Variants in PCDHA5 observed in about 807,000 individuals in gnomAD.
The protein encoded by PCDHA5 is protocadherin alpha 5.
In PCDHA5, 43 loss-of-function variants were observed where a neutral mutation model predicts 61.6. The observed-to-expected ratio is 0.70, with a 90% CI of 0.55 to 0.90. The LOEUF (loss-of-function observed/expected upper bound fraction) is 0.90. Ranked by LOEUF, PCDHA5 falls within the 40% of genes least tolerant of loss-of-function variation. The probability of loss-of-function intolerance (pLI) is 0.00; values close to 1 mark genes in which losing one functional copy is unlikely to be tolerated. For synonymous variants in PCDHA5, 627 were observed against 543.9 expected, an observed-to-expected ratio of 1.15 and a Z score of -2.13; for missense variants, 1,298 against 1,222.7, an observed-to-expected ratio of 1.06 and a Z score of -0.92.
intron 1 of PCDHA5, among the ~76,000 whole-genome samples, chr5:140,898,820 G>A (rs1303151513): frequency 6.6e-6 from 1 of 152,208 alleles, no homozygotes; most frequent in Admixed American, 6.5e-5. Context: ...TCCTACCCAT[G>A]AGCATGGAAT....
intron 1 of PCDHA5, among the ~76,000 whole-genome samples, chr5:140,885,980 C>T (rs888571995): frequency 6.6e-6 from 1 of 151,942 alleles, no homozygotes; most frequent in African/African-American, 2.4e-5. Flanking sequence ...ATTATAGATT[C>T]GCATGTGGTT....
chr5:140,923,133 G>T (rs1177084353), intron 1 of PCDHA5, among the ~76,000 whole-genome samples: 3 of 152,082 alleles, frequency 2.0e-5, no homozygotes, highest in African/African-American at 7.2e-5. Context: ...ACACTTTGAA[G>T]GTGGAATATA....
In PCDHA5 at chr5:140,870,942, G is replaced by A. The variant is rs782286042; in HGVS notation, c.2352+46815G>A. ...GGCTTTCATATGAATTGCAGCCGGC[G>A]GCGGGCGGCTCGCGCATCCCGTTCC... On this transcript the variant is annotated intron_variant, in intron 1 of 3. Transcript: ENST00000529859. The A allele has an allele frequency of 5.0e-6, 8 of 1,613,740 alleles. No individual in the cohort carries two copies. The Admixed American group carries it at 6.7e-5, about 13-fold the overall frequency.
intron 1 of PCDHA5, chr5:140,851,454 T>C: frequency 1.1e-6 from 1 of 899,244 alleles, no homozygotes; most frequent in Non-Finnish European, 1.4e-6. Flanking sequence ...ACTTTAGGAA[T>C]CAAATTATGT....
chr5:140,838,087 T>TA (rs1775519591), intron 1 of PCDHA5, among the ~76,000 whole-genome samples: 48 of 97,638 alleles, frequency 4.9e-4, no homozygotes, highest in South Asian at 9.2e-4. Flanking sequence ...AGTGTGTGTG[T>TA]GTGTGTGTGT....
intron 1 of PCDHA5, chr5:140,882,520 G>C (rs2059167404): frequency 6.2e-7 from 1 of 1,614,218 alleles, no homozygotes; most frequent in Admixed American, 1.7e-5. Context: ...ATGGCATTTT[G>C]TTTGTGAATT....
chr5:140,981,350 G>T (rs2096928266), intron 2 of PCDHA5, among the ~76,000 whole-genome samples: 1 of 152,168 alleles, frequency 6.6e-6, no homozygotes. Flanking sequence ...GAGGCAGGTG[G>T]ATCACTTGAG....
chr5:140,917,130 C>T (rs1449410463), intron 1 of PCDHA5, among the ~76,000 whole-genome samples: 1 of 152,060 alleles, frequency 6.6e-6, no homozygotes, highest in Non-Finnish European at 1.5e-5. Flanking sequence ...AGACTCCCCA[C>T]GTTGCTCAGC....
chr5:140,921,486 G>A (rs782660925), intron 1 of PCDHA5, among the ~76,000 whole-genome samples: 1 of 152,128 alleles, frequency 6.6e-6, no homozygotes, highest in African/African-American at 2.4e-5. Flanking sequence ...CTCTACCTGA[G>A]ATTAGTTTAT....
intron 3 of PCDHA5, among the ~76,000 whole-genome samples, chr5:141,007,451 C>A (rs2098330384): frequency 6.6e-6 from 1 of 151,640 alleles, no homozygotes; most frequent in Non-Finnish European, 1.5e-5. Context: ...GCCTGTAGTC[C>A]CAGCTACTCA....
At chr5:140,853,861 T>C in intron 1 of PCDHA5, 1 of 984,790 alleles carries the variant, frequency 1.0e-6, no homozygotes, top group Non-Finnish European at 1.2e-6. Flanking sequence ...TATTTGATAC[T>C]TGACAGTGCA....
intron 1 of PCDHA5, chr5:140,928,375 T>C: frequency 6.2e-7 from 1 of 1,614,184 alleles, no homozygotes. Context: ...GCCATCAGCC[T>C]CTAGCTTGCT....
chr5:140,829,832 G>A, intron 1 of PCDHA5: 1 of 1,613,932 alleles, frequency 6.2e-7, no homozygotes, highest in Non-Finnish European at 8.5e-7. Flanking sequence ...GAGCGAGCTG[G>A]TGCCGCGGTC....
chr5:140,832,599 G>A (rs1554133577), intron 1 of PCDHA5, among the ~76,000 whole-genome samples: 2 of 152,148 alleles, frequency 1.3e-5, no homozygotes, highest in Non-Finnish European at 2.9e-5. Context: ...GAACTATAGC[G>A]TTGCTAGTGA....
intron 1 of PCDHA5, chr5:140,834,789 A>T: frequency 6.2e-7 from 1 of 1,613,702 alleles, no homozygotes; most frequent in Non-Finnish European, 8.5e-7. Flanking sequence ...GTTCCCAGCG[A>T]CACAAAGGAA....
chr5:140,992,017 C>CTGTGTGTG (rs10602499), intron 3 of PCDHA5, among the ~76,000 whole-genome samples: 149 of 145,626 alleles, frequency 1.0e-3, no homozygotes, highest in African/African-American at 2.4e-3. Flanking sequence ...AGAGGTGGCT[C>CTGTGTGTG]TGTGTGTGTG....
At chr5:140,917,552 C>T (rs200211133) in intron 1 of PCDHA5, among the ~76,000 whole-genome samples, 1 of 152,192 alleles carries the variant, frequency 6.6e-6, no homozygotes, top group Non-Finnish European at 1.5e-5. Flanking sequence ...TTACATTTAA[C>T]TCTTTAATCC....
Position 140,850,482 on chromosome 5 carries a change from G to T in PCDHA5, c.2352+26355G>T, listed in dbSNP as rs2150486061. On this transcript the variant is annotated intron_variant, in intron 1 of 3. Coordinates refer to ENST00000529859, the MANE Select transcript of PCDHA5 (RefSeq NM_018908.3). ...CGGGGAGCCAGCGCTGACGGCCACG[G>T]CCACTGTGCTGGTGTCGCTGGTGGA... 5 of 1,598,110 alleles carry T rather than the reference G, an allele frequency of 3.1e-6. No homozygotes were observed. The South Asian group carries it at 5.5e-5, about 18-fold the overall frequency.
intron 3 of PCDHA5, among the ~76,000 whole-genome samples, chr5:141,001,477 A>T (rs2098020508): frequency 6.6e-6 from 1 of 152,176 alleles, no homozygotes; most frequent in South Asian, 2.1e-4. Flanking sequence ...AGCAGCGGGG[A>T]AGTGCTGGAA....
Sources: allele counts gnomAD v4.1 joint callset (sites outside exome capture counted in the v4.1 genomes callset), GRCh38; gene constraint gnomAD v4.1.1; transcripts MANE v1.5; gene names NCBI Gene and HGNC (gene_info 2026-07-23, HGNC 2026-07-21).